The following LSAMP variants were observed in gnomAD, a reference collection of about 807,000 sequenced individuals.
The protein encoded by LSAMP is limbic system associated membrane protein, also known as limbic system-associated membrane protein.
Under a neutral mutation model 38.6 loss-of-function variants are expected in LSAMP, and 7 were observed. The observed-to-expected ratio is 0.18, with a 90% CI of 0.10 to 0.34. LSAMP has a LOEUF of 0.34. Among genes scored for constraint, LSAMP ranks in the 10% least tolerant of loss-of-function variants. The pLI is 1.00. For missense variants in LSAMP, 313 were observed against 420.0 expected (o/e 0.75, Z 2.23); for synonymous variants, 154 against 166.8 (o/e 0.92, Z 0.59).
intron 1 of LSAMP, among the ~76,000 whole-genome samples, chr3:116,413,485 G>T (rs1215254114): frequency 1.3e-5 from 2 of 151,966 alleles, no homozygotes; most frequent in Non-Finnish European, 2.9e-5. Flanking sequence ...CTCCCCGTAT[G>T]TTTGTGTGCC....
intron 3 of LSAMP, among the ~76,000 whole-genome samples, chr3:115,874,419 T>A (rs1358036588): frequency 2.6e-5 from 4 of 152,124 alleles, no homozygotes; most frequent in Non-Finnish European, 2.9e-5. Flanking sequence ...TCTCAAAAAA[T>A]TTGTTCATGC....
At chr3:116,394,518 C>A (rs1373399484) in intron 1 of LSAMP, among the ~76,000 whole-genome samples, 1 of 152,174 alleles carries the variant, frequency 6.6e-6, no homozygotes, top group East Asian at 1.9e-4. Flanking sequence ...TCCACACACA[C>A]AAGTCCTTTC....
chr3:116,339,075 C>T (rs2047957380), intron 1 of LSAMP, among the ~76,000 whole-genome samples: 1 of 151,936 alleles, frequency 6.6e-6, no homozygotes, highest in Non-Finnish European at 1.5e-5. Context: ...TATAAAGGTT[C>T]AGGTGCCTTT....
intron 1 of LSAMP, among the ~76,000 whole-genome samples, chr3:116,292,149 G>C (rs1210399283): frequency 1.3e-5 from 2 of 152,044 alleles, no homozygotes; most frequent in Non-Finnish European, 2.9e-5. Flanking sequence ...TTTCATTTCT[G>C]CAGTTTAGAT....
At chr3:116,256,131 C>T (rs550727578) in intron 1 of LSAMP, among the ~76,000 whole-genome samples, 84 of 152,218 alleles carry the variant, frequency 5.5e-4, no homozygotes, top group South Asian at 3.7e-3. Flanking sequence ...TTTTTATCAG[C>T]GATTAGCAAA....
chr3:116,414,251 C>G (rs1476171529), intron 1 of LSAMP, among the ~76,000 whole-genome samples: 1 of 152,032 alleles, frequency 6.6e-6, no homozygotes. Flanking sequence ...AAAAAGCCAG[C>G]AGACTCTTTT....
At position 115,971,210 on chromosome 3, in the gene LSAMP, CA is replaced by C. The variant is rs551330840; in HGVS notation, c.514+48304del. Among the ~76,000 whole-genome samples the C allele has an allele frequency of 1.1e-3, 164 of 152,182 alleles. 1 individual carries two copies. The highest frequency in any genetic ancestry group is 7.7e-3 in the South Asian group (37 of 4,812). On this transcript the variant is annotated intron_variant, in intron 3 of 6. Transcript: ENST00000490035. ...TTTCTTACACTTCCTTTTGAAAGTT[CA>C]AAAATTGTGCCTGTACAATTAATGA... is the stretch of plus-strand genomic sequence containing the variant.
chr3:116,164,593 AT>A (rs1296856832), intron 1 of LSAMP, among the ~76,000 whole-genome samples: 2 of 71,940 alleles, frequency 2.8e-5, no homozygotes, highest in Non-Finnish European at 5.6e-5. Context: ...ATATATATAT[AT>A]AATCCAAATA....
At chr3:116,299,483 A>C (rs2047378472) in intron 1 of LSAMP, among the ~76,000 whole-genome samples, 1 of 152,250 alleles carries the variant, frequency 6.6e-6, no homozygotes, top group East Asian at 1.9e-4. Flanking sequence ...AAATACTTTT[A>C]ATTAATCTGA....
At chr3:115,994,757 ACTTTT>A (rs1454519811) in intron 3 of LSAMP, among the ~76,000 whole-genome samples, 4 of 151,856 alleles carry the variant, frequency 2.6e-5, no homozygotes, top group Admixed American at 2.0e-4. Context: ...AGGTGCCTTC[ACTTTT>A]CTTTTCGCTT....
chr3:116,354,845 A>ATG (rs56975134), intron 1 of LSAMP, among the ~76,000 whole-genome samples: 2,915 of 146,382 alleles, frequency 0.02, 47 homozygotes, highest in African/African-American at 0.045. Context: ...GGGTGTATAT[A>ATG]TGTGTGTGTG....
At chr3:115,873,378 GAAAA>G (rs61243191) in intron 3 of LSAMP, among the ~76,000 whole-genome samples, 1 of 119,380 alleles carries the variant, frequency 8.4e-6, no homozygotes, top group African/African-American at 3.0e-5. Context: ...GTGAGGCTCT[GAAAA>G]AAAAAAAAAA....
rs375987662 is a variant in LSAMP at position 115,817,593 on chromosome 3, C to T, written c.920-7179G>A. 4.6e-5 allele frequency among the ~76,000 whole-genome samples: 7 copies of T among 152,286 alleles called. No individual in the cohort carries two copies. In the South Asian group the frequency reaches 6.2e-4, roughly 14 times the overall value. On this transcript the variant is annotated intron_variant, in intron 6 of 6. Coordinates refer to ENST00000490035, the MANE Select transcript of LSAMP (RefSeq NM_002338.5). The stretch of plus-strand genomic sequence containing the variant: ...GCAAATATGTAAAACTTCTATAGGA[C>T]ACCACTTTGAAGCTCAGGAACAACT...
chr3:116,051,856 C>T (rs1183303860), intron 2 of LSAMP, among the ~76,000 whole-genome samples: 1 of 151,962 alleles, frequency 6.6e-6, no homozygotes, highest in Non-Finnish European at 1.5e-5. Flanking sequence ...TTTAATTTTC[C>T]TCTGCGGATG....
At chr3:116,251,212 G>T (rs542488253) in intron 1 of LSAMP, among the ~76,000 whole-genome samples, 1 of 152,294 alleles carries the variant, frequency 6.6e-6, no homozygotes, top group South Asian at 2.1e-4. Flanking sequence ...TTAATTTAAG[G>T]TCGAAACATC....
chr3:116,103,154 C>G (rs1027824775), intron 1 of LSAMP, among the ~76,000 whole-genome samples: 1 of 152,004 alleles, frequency 6.6e-6, no homozygotes, highest in Non-Finnish European at 1.5e-5. Context: ...TGTCCTGAGA[C>G]TAGAATATAC....
chr3:116,310,868 C>A (rs577348195), intron 1 of LSAMP, among the ~76,000 whole-genome samples: 59 of 148,526 alleles, frequency 4.0e-4, no homozygotes, highest in South Asian at 6.4e-4. Context: ...ATAGTTATAA[C>A]TTAAAATGGT....
At chr3:115,963,020 G>T (rs187138990) in intron 3 of LSAMP, among the ~76,000 whole-genome samples, 1 of 152,160 alleles carries the variant, frequency 6.6e-6, no homozygotes, top group Non-Finnish European at 1.5e-5. Flanking sequence ...ACTACTGAGC[G>T]ATAGGATGAG....
intron 1 of LSAMP, among the ~76,000 whole-genome samples, chr3:116,286,447 C>T (rs570339094): frequency 6.6e-6 from 1 of 152,150 alleles, no homozygotes; most frequent in Admixed American, 6.5e-5. Flanking sequence ...TCTTTAATAA[C>T]ATTCCATTAA....
Sources: gnomAD v4.1 joint callset for allele counts (sites outside exome capture counted in the v4.1 genomes callset) on GRCh38, gnomAD v4.1.1 for gene constraint, MANE v1.5 for transcripts, NCBI Gene and HGNC (gene_info 2026-07-23, HGNC 2026-07-21) for gene names.